Variants in WDR25 observed in about 807,000 individuals in gnomAD.
WDR25 encodes the protein WD repeat domain 25, also known as WD repeat-containing protein 25.
In WDR25, 35 loss-of-function variants were observed where a neutral mutation model predicts 47.7. That is an observed-to-expected ratio of 0.73 (90% CI 0.56 to 0.97). The LOEUF is 0.97. WDR25 is among the 50% of genes least tolerant of loss of function. The pLI, the probability that WDR25 is intolerant of heterozygous loss-of-function variation, is 0.00. For missense variants in WDR25, 634 were observed against 704.7 expected (o/e 0.90, Z 1.14); for synonymous variants, 248 against 278.9 (o/e 0.89, Z 1.10).
chr14:100,382,012 G>A (rs1463817497), intron 2 of WDR25: 10 of 701,790 alleles, frequency 1.4e-5, no homozygotes, highest in Admixed American at 6.0e-5. Context: ...GGGAGGAGGT[G>A]AGAGTGATTA....
At chr14:100,454,435 T>C (rs1337207264) in intron 2 of WDR25, 2 of 1,287,096 alleles carry the variant, frequency 1.6e-6, no homozygotes, top group African/African-American at 1.5e-5. Flanking sequence ...ATGCTTAAAA[T>C]TGAAAATTAT....
chr14:100,388,354 G>C (rs1201345778), intron 2 of WDR25, among the ~76,000 whole-genome samples: 8 of 152,220 alleles, frequency 5.3e-5, no homozygotes, highest in African/African-American at 1.9e-4. Flanking sequence ...GCGTTCATCT[G>C]GTTCATTTGA....
intron 2 of WDR25, among the ~76,000 whole-genome samples, chr14:100,438,066 G>A (rs535740782): frequency 5.3e-5 from 8 of 152,284 alleles, no homozygotes; most frequent in African/African-American, 1.9e-4. Context: ...AGGTAGATTT[G>A]CACAGGAGAA....
In WDR25 at chr14:100,409,427, C is replaced by A. The variant is rs138813043; in HGVS notation, c.822+27681C>A. ...TGTCACCATGCAGAGGACCCCCCCC[C>A]ACCCATCCCAGGAAGCTGATCGAGG... On this transcript the variant is annotated intron_variant, in intron 2 of 6. Transcript: ENST00000402312. 7.3e-3 allele frequency among the ~76,000 whole-genome samples: 1,112 copies of A among 151,694 alleles called. 16 individuals carry two copies. Among genetic ancestry groups the A allele is most frequent in the African/African-American group, 0.024 (1,005 of 41,304 alleles).
At chr14:100,447,936 G>A (rs1359426916) in intron 2 of WDR25, among the ~76,000 whole-genome samples, 2 of 152,212 alleles carry the variant, frequency 1.3e-5, no homozygotes, top group Non-Finnish European at 1.5e-5. Flanking sequence ...GCTCACGCCT[G>A]TAATCCCAGC....
chr14:100,457,205 T>G (rs1899233615), intron 2 of WDR25, among the ~76,000 whole-genome samples: 1 of 152,182 alleles, frequency 6.6e-6, no homozygotes, highest in African/African-American at 2.4e-5. Flanking sequence ...TACACCCACC[T>G]TGGCCTCCCA....
intron 2 of WDR25, among the ~76,000 whole-genome samples, chr14:100,402,006 A>G (rs950669346): frequency 2.6e-5 from 4 of 152,268 alleles, no homozygotes; most frequent in South Asian, 2.1e-4. Flanking sequence ...CTTTTGCTCA[A>G]TCGTGCGAGG....
At chr14:100,435,493 A>G (rs189747037) in intron 2 of WDR25, among the ~76,000 whole-genome samples, 1 of 152,222 alleles carries the variant, frequency 6.6e-6, no homozygotes, top group Non-Finnish European at 1.5e-5. Flanking sequence ...AATTTTTAAA[A>G]ATGATAGTGA....
rs933931298 is a variant in WDR25 at position 100,402,861 on chromosome 14, C to T, written c.822+21115C>T. On this transcript the variant is annotated intron_variant, in intron 2 of 6. Transcript: ENST00000402312. The stretch of plus-strand genomic sequence containing the variant: ...CCACCGTGGAGCAGAGCCAGGGGCA[C>T]GAAATAAAATGCCATAGGGATGAGA... Among the ~76,000 whole-genome samples, 16 of 151,996 alleles carry T rather than the reference C, an allele frequency of 1.1e-4. 1 individual carries two copies. Among genetic ancestry groups the T allele is most frequent in the South Asian group, 4.2e-4 (2 of 4,816 alleles).
At chr14:100,387,643 A>C (rs1326654270) in intron 2 of WDR25, among the ~76,000 whole-genome samples, 1 of 152,226 alleles carries the variant, frequency 6.6e-6, no homozygotes, top group African/African-American at 2.4e-5. Flanking sequence ...CAGATGAGGA[A>C]ATTGAGGCAC....
chr14:100,529,772 C>A lies in WDR25; in HGVS notation c.1414-48C>A. On this transcript the variant is annotated intron_variant, in intron 6 of 6. Transcript: ENST00000402312. The surrounding 1 kb of genome is among the most constrained non-coding windows in gnomAD (Gnocchi z 5.1). ...CCTCTGTAGAATGGGCATACTCACC[C>A]CGGCTTGACAGGTGCGGCTTGCTCA... 6.3e-7 allele frequency: 1 copy of A among 1,582,812 alleles called. No individual in the cohort carries two copies. The highest frequency in any genetic ancestry group is 1.1e-5 in the South Asian group (1 of 87,184).
At chr14:100,423,898 C>T (rs982495896) in intron 2 of WDR25, among the ~76,000 whole-genome samples, 49 of 152,190 alleles carry the variant, frequency 3.2e-4, no homozygotes, top group African/African-American at 9.7e-4. Context: ...GTGGGTGCAG[C>T]GTGTCCTGAA....
chr14:100,452,722 A>T (rs1339206413), intron 2 of WDR25, among the ~76,000 whole-genome samples: 1 of 152,208 alleles, frequency 6.6e-6, no homozygotes, highest in African/African-American at 2.4e-5. Flanking sequence ...CTCGACTCTG[A>T]TGCAGAGGTC....
At chr14:100,463,815 G>A (rs190314168) in intron 2 of WDR25, among the ~76,000 whole-genome samples, 31 of 152,250 alleles carry the variant, frequency 2.0e-4, no homozygotes, top group South Asian at 8.3e-4. Flanking sequence ...CTGCGAATGT[G>A]TCCTGGGCTT....
At chr14:100,452,917 C>T (rs1024553929) in intron 2 of WDR25, among the ~76,000 whole-genome samples, 3 of 152,092 alleles carry the variant, frequency 2.0e-5, no homozygotes, top group Admixed American at 1.3e-4. Context: ...CCATCACCAC[C>T]ATCCTCTCCA....
intron 2 of WDR25, among the ~76,000 whole-genome samples, chr14:100,438,466 C>T (rs149881642): frequency 8.7e-4 from 133 of 152,320 alleles, no homozygotes; most frequent in African/African-American, 3.1e-3. Context: ...CTGCCATTCT[C>T]GAGGCTATGA....
intron 2 of WDR25, among the ~76,000 whole-genome samples, chr14:100,409,207 GGA>G (rs1452817864): frequency 6.6e-6 from 1 of 152,206 alleles, no homozygotes; most frequent in Non-Finnish European, 1.5e-5. Context: ...TTATCAAATT[GGA>G]GACCCAGTGA....
At chr14:100,397,261 T>C (rs1897280721) in intron 2 of WDR25, among the ~76,000 whole-genome samples, 1 of 152,222 alleles carries the variant, frequency 6.6e-6, no homozygotes, top group Non-Finnish European at 1.5e-5. Context: ...ACTTGTACAG[T>C]GCGTATATTG....
At chr14:100,414,757 G>T (rs905626683) in intron 2 of WDR25, among the ~76,000 whole-genome samples, 6 of 152,010 alleles carry the variant, frequency 3.9e-5, no homozygotes, top group Non-Finnish European at 7.4e-5. Context: ...TGAGCAACGA[G>T]GTGACACCAT....
Sources: allele counts gnomAD v4.1 joint callset (sites outside exome capture counted in the v4.1 genomes callset), GRCh38; gene constraint gnomAD v4.1.1; non-coding constraint Gnocchi (gnomAD v3.1); transcripts MANE v1.5; gene names NCBI Gene and HGNC (gene_info 2026-07-23, HGNC 2026-07-21).